PLCL2: variants seen among roughly 807,000 people sequenced by gnomAD.
PLCL2 encodes the protein inactive phospholipase C-like protein 2.
Under a neutral mutation model 79.6 loss-of-function variants are expected in PLCL2, and 4 were observed. The observed-to-expected ratio is 0.05, with a 90% CI of 0.02 to 0.11. The LOEUF (loss-of-function observed/expected upper bound fraction) is 0.11, where lower values mean the gene tolerates loss of function less well. PLCL2 is among the 10% of genes least tolerant of loss of function. The pLI, the probability that PLCL2 is intolerant of heterozygous loss-of-function variation, is 1.00. For synonymous variants in PLCL2, 484 were observed against 457.7 expected (o/e 1.06, Z -0.73); for missense variants, 895 against 1,291.0 (o/e 0.69, Z 4.70).
intron 5 of PLCL2, among the ~76,000 whole-genome samples, chr3:17,073,161 T>C (rs997356162): frequency 2.0e-5 from 3 of 152,158 alleles, no homozygotes; most frequent in Non-Finnish European, 4.4e-5. Context: ...CAAAATCCTA[T>C]GAGTTTTGAC....
rs75238816 is a variant in PLCL2 at position 16,898,256 on chromosome 3, G to A, written c.327+12890G>A. The stretch of plus-strand genomic sequence containing the variant: ...TATTTACGTATTCTAAATGGGAGGT[G>A]TAGTAGAAATGAACTTTAATATTCT... On this transcript the variant is annotated intron_variant, in intron 1 of 5. Transcript: ENST00000615277. Among the ~76,000 whole-genome samples the A allele has an allele frequency of 9.5e-3, 1,452 of 152,158 alleles. 26 individuals are homozygous for A. Among genetic ancestry groups the A allele is most frequent in the African/African-American group, 0.031 (1,278 of 41,508 alleles).
At chr3:16,982,378 AT>A (rs924967241) in intron 1 of PLCL2, among the ~76,000 whole-genome samples, 1 of 151,970 alleles carries the variant, frequency 6.6e-6, no homozygotes, top group African/African-American at 2.4e-5. Flanking sequence ...GTGACTTGCC[AT>A]TTTTTTCTTT....
At chr3:16,899,805 C>T (rs914190269) in intron 1 of PLCL2, among the ~76,000 whole-genome samples, 1 of 151,846 alleles carries the variant, frequency 6.6e-6, no homozygotes, top group African/African-American at 2.4e-5. Flanking sequence ...TGAAAATTTG[C>T]TAATAAATCC....
chr3:16,986,359 G>A (rs1007973911), intron 1 of PLCL2, among the ~76,000 whole-genome samples: 2 of 151,978 alleles, frequency 1.3e-5, no homozygotes, highest in African/African-American at 2.4e-5. Flanking sequence ...TACAGTTCTA[G>A]TGTGAACCAC....
chr3:16,965,116 A>G (rs1177443063), intron 1 of PLCL2, among the ~76,000 whole-genome samples: 1 of 152,012 alleles, frequency 6.6e-6, no homozygotes, highest in Non-Finnish European at 1.5e-5. Flanking sequence ...CCTGAATGGT[A>G]TTGCCCAGGT....
intron 1 of PLCL2, among the ~76,000 whole-genome samples, chr3:16,980,267 G>A (rs2063973538): frequency 6.9e-6 from 1 of 144,488 alleles, no homozygotes. Flanking sequence ...TGGCCGGGCG[G>A]GGGGCTGACC....
At chr3:16,970,965 T>C in intron 1 of PLCL2, among the ~76,000 whole-genome samples, 1 of 152,072 alleles carries the variant, frequency 6.6e-6, no homozygotes, top group African/African-American at 2.4e-5. Flanking sequence ...GATATTAGCC[T>C]TTTATCAGAT....
At chr3:16,943,633 TACATA>T (rs1380139287) in intron 1 of PLCL2, among the ~76,000 whole-genome samples, 9 of 152,356 alleles carry the variant, frequency 5.9e-5, no homozygotes, top group East Asian at 3.9e-4. Context: ...TTTGCATGTA[TACATA>T]ACATATGTGT....
chr3:17,041,955 AAAG>A (rs1451727045), intron 3 of PLCL2, among the ~76,000 whole-genome samples: 3 of 152,180 alleles, frequency 2.0e-5, no homozygotes, highest in African/African-American at 7.2e-5. Context: ...AAAAAAATAA[AAAG>A]AAAAAAAATG....
chr3:17,053,040 A>C (rs973165751), intron 4 of PLCL2, among the ~76,000 whole-genome samples: 1 of 152,194 alleles, frequency 6.6e-6, no homozygotes, highest in African/African-American at 2.4e-5. Context: ...CTGTTGTTGA[A>C]GGGTCAATTA....
intron 1 of PLCL2, 82 bp downstream of exon 1, chr3:16,885,448 G>A: frequency 1.9e-6 from 1 of 524,908 alleles, no homozygotes; most frequent in Non-Finnish European, 3.4e-6. Flanking sequence ...GTGGTGGAAG[G>A]AGGAAGCCCA....
chr3:17,039,011 A>G (rs1320713357), intron 3 of PLCL2, among the ~76,000 whole-genome samples: 4 of 152,208 alleles, frequency 2.6e-5, no homozygotes, highest in Non-Finnish European at 4.4e-5. Context: ...TTCAGTGTTC[A>G]CATGTGTAAA....
chr3:17,024,829 C>T (rs1056560908), intron 3 of PLCL2, among the ~76,000 whole-genome samples: 1 of 152,188 alleles, frequency 6.6e-6, no homozygotes, highest in Admixed American at 6.5e-5. Context: ...CCATGTTGCT[C>T]CTTGATCCTT....
At chr3:16,894,772 G>C (rs1474864712) in intron 1 of PLCL2, among the ~76,000 whole-genome samples, 1 of 151,836 alleles carries the variant, frequency 6.6e-6, no homozygotes, top group Non-Finnish European at 1.5e-5. Context: ...GCTTGTTCAA[G>C]TCTTTTGCCC....
chr3:17,010,433 C>T lies in PLCL2; in HGVS notation c.1087C>T (p.Leu363Phe). 2 of 1,613,802 alleles carry T rather than the reference C, an allele frequency of 1.2e-6. No homozygotes were observed. The highest frequency in any genetic ancestry group is 1.7e-6 in the Non-Finnish European group (2 of 1,179,846). Residue 363 changes from leucine (L) to phenylalanine (F), a missense_variant, in exon 2 of 6, where the codon CTT becomes TTT. Physicochemically the swap from Leu to Phe is conservative, Grantham distance 22. Around this residue, in one of 6 missense-constraint regions of PLCL2, gnomAD observed 242 missense variants for 399.5 expected, o/e 0.61. Coordinates refer to ENST00000615277, the MANE Select transcript of PLCL2 (RefSeq NM_001144382.2). This position sits in a 1 kb window ranked among gnomAD's most constrained non-coding sequence, Gnocchi z 5.8. ...TAAAGAATTCCTTGATACCAAGGACCTTATGATGTTTCTTGAGGCAGAACA... is the reference window on the plus strand; with the variant it reads ...TAAAGAATTCCTTGATACCAAGGACTTTATGATGTTTCTTGAGGCAGAACA... ...SNKEFLDTKD[L>F]MMFLEAEQGV...
chr3:16,987,585 T>C (rs1222261271), intron 1 of PLCL2, among the ~76,000 whole-genome samples: 1 of 152,170 alleles, frequency 6.6e-6, no homozygotes, highest in Non-Finnish European at 1.5e-5. Flanking sequence ...TTCAAAGATC[T>C]GTGTTTAGAA....
At chr3:16,899,430 G>C (rs1328708213) in intron 1 of PLCL2, among the ~76,000 whole-genome samples, 1 of 152,172 alleles carries the variant, frequency 6.6e-6, no homozygotes, top group East Asian at 1.9e-4. Context: ...TGAATTCCCT[G>C]AATTTCTGTG....
intron 5 of PLCL2, among the ~76,000 whole-genome samples, chr3:17,088,704 G>T (rs1240943989): frequency 2.0e-5 from 3 of 152,070 alleles, no homozygotes; most frequent in Admixed American, 6.6e-5. Context: ...CAAACATTAG[G>T]GTATGCTAGG....
At chr3:16,957,204 G>A (rs1430213981) in intron 1 of PLCL2, among the ~76,000 whole-genome samples, 1 of 151,930 alleles carries the variant, frequency 6.6e-6, no homozygotes, top group Admixed American at 6.5e-5. Context: ...CTTTGAATGT[G>A]TCCCAGAGAT....
Sources: gnomAD v4.1 joint callset for allele counts (sites outside exome capture counted in the v4.1 genomes callset) on GRCh38, gnomAD v4.1.1 for gene constraint, gnomAD v4.1.1 regional missense constraint, Gnocchi (gnomAD v3.1) non-coding constraint, MANE v1.5 for transcripts, NCBI Gene and HGNC (gene_info 2026-07-23, HGNC 2026-07-21) for gene names.